The following MRPL39 variants were observed in gnomAD, a reference collection of about 807,000 sequenced individuals.
MRPL39 encodes the protein mitochondrial ribosomal protein L39.
MRPL39 carries 35 observed loss-of-function variants against 44.5 expected under a neutral mutation model. The observed-to-expected ratio is 0.79, with a 90% CI of 0.60 to 1.04. The LOEUF is 1.04. Ranked by LOEUF, MRPL39 falls within the 50% of genes least tolerant of loss-of-function variation. The probability of loss-of-function intolerance (pLI) is 0.00; values close to 1 mark genes in which losing one functional copy is unlikely to be tolerated. For missense variants in MRPL39, 433 were observed against 413.5 expected (o/e 1.05, Z -0.41); for synonymous variants, 139 against 136.1 (o/e 1.02, Z -0.15).
chr21:25,606,474 A>C lies in MRPL39; in HGVS notation c.255T>G (p.Ile85Met). ...PGTVFVMNKN[I>M]STPYSCAMHL... ...GCATGGCACAACTGTAGGGAGTTGA[A>C]ATGTTTTTATTCATCACGAAGACAG... is the stretch of plus-strand genomic sequence containing the variant. The change falls in exon 2 of 10, where the codon ATT (isoleucine) becomes ATG (methionine). Residue 85 changes from isoleucine to methionine, a missense_variant. Coordinates refer to ENST00000352957, the MANE Select transcript of MRPL39 (RefSeq NM_017446.4). 2 of 1,610,986 alleles carry C rather than the reference A, an allele frequency of 1.2e-6. No homozygotes were observed. The highest frequency in any genetic ancestry group is 1.7e-6 in the Non-Finnish European group (2 of 1,178,538).
chr21:25,604,061 A>T (rs1251295849), intron 2 of MRPL39, 126 bp from the exon 3 acceptor site: 5 of 899,446 alleles, frequency 5.6e-6, no homozygotes, highest in Non-Finnish European at 8.3e-6. Flanking sequence ...TTTAGAGAAA[A>T]AAAGTATATT....
chr21:25,597,913 TA>T (rs2031408955), intron 5 of MRPL39, among the ~76,000 whole-genome samples: 1 of 152,146 alleles, frequency 6.6e-6, no homozygotes, highest in South Asian at 2.1e-4. Context: ...TGTCCAATAT[TA>T]AAAGTTTCTG....
chr21:25,598,427 C>G (rs191270089), intron 5 of MRPL39, among the ~76,000 whole-genome samples: 2 of 138,504 alleles, frequency 1.4e-5, no homozygotes, highest in Admixed American at 1.5e-4. Context: ...ATAGTGAGAC[C>G]CCCATCTCTT....
intron 6 of MRPL39, among the ~76,000 whole-genome samples, chr21:25,596,109 T>C (rs185605750): frequency 6.6e-6 from 1 of 152,274 alleles, no homozygotes; most frequent in African/African-American, 2.4e-5. Context: ...AATTTTTTTT[T>C]TTTTTTTGAG....
intron 3 of MRPL39, among the ~76,000 whole-genome samples, chr21:25,601,990 T>C (rs986145381): frequency 1.3e-5 from 2 of 152,182 alleles, no homozygotes; most frequent in Non-Finnish European, 2.9e-5. Context: ...TTTTGATTCA[T>C]GGACATGCCT....
intron 5 of MRPL39, 36 bp downstream of exon 5, chr21:25,599,763 C>A: frequency 6.6e-7 from 1 of 1,522,202 alleles, no homozygotes; most frequent in South Asian, 1.1e-5. Context: ...GAAAGGCAGA[C>A]ACTCTAAAAT....
intron 6 of MRPL39, 81 bp from the exon 7 acceptor site, chr21:25,594,039 C>A: frequency 8.7e-7 from 1 of 1,154,506 alleles, no homozygotes; most frequent in East Asian, 2.4e-5. Context: ...CTTTCTCTTC[C>A]TCTTCAGCCA....
rs140558474 is a variant in MRPL39 at position 25,587,420 on chromosome 21, C to T, written c.969+1415G>A. On this transcript the variant is annotated intron_variant, in intron 9 of 9. Coordinates refer to ENST00000352957, the MANE Select transcript of MRPL39 (RefSeq NM_017446.4). ...AAATTATATAACCCTTACTCAAGAA[C>T]ATTATGGTGAAGTCCCTAAACAATA... is the stretch of plus-strand genomic sequence containing the variant. Among the ~76,000 whole-genome samples the T allele has an allele frequency of 1.2e-3, 184 of 152,216 alleles. 3 individuals carry two copies. The East Asian group carries it at 0.026, about 22-fold the overall frequency.
chr21:25,587,946 A>G (rs1176312895), intron 9 of MRPL39, among the ~76,000 whole-genome samples: 3 of 152,252 alleles, frequency 2.0e-5, no homozygotes, highest in African/African-American at 7.2e-5. Context: ...CAGGACAGCT[A>G]TCAGATAACC....
chr21:25,588,081 G>A (rs567910382), intron 9 of MRPL39, among the ~76,000 whole-genome samples: 2 of 152,298 alleles, frequency 1.3e-5, no homozygotes, highest in South Asian at 2.1e-4. Context: ...GGAGGCTGAG[G>A]GGGGTGGATC....
chr21:25,607,699 A>G (rs1424944144), upstream of MRPL39, among the ~76,000 whole-genome samples: 2 of 151,866 alleles, frequency 1.3e-5, no homozygotes. Context: ...GCGGTCACCT[A>G]CCCAGAGGTG....
chr21:25,586,340 G>A (rs1263725575), intron 9 of MRPL39, among the ~76,000 whole-genome samples: 1 of 152,042 alleles, frequency 6.6e-6, no homozygotes, highest in Non-Finnish European at 1.5e-5. Context: ...TCCATCAACA[G>A]TCCTACTAAT....
chr21:25,602,526 A>C (rs1255941834), intron 3 of MRPL39, among the ~76,000 whole-genome samples: 2 of 152,212 alleles, frequency 1.3e-5, no homozygotes, highest in Non-Finnish European at 2.9e-5. Context: ...TTGTTCAACT[A>C]TTTCAACAAA....
intron 8 of MRPL39, 43 bp downstream of exon 8, chr21:25,592,769 C>G: frequency 6.8e-7 from 1 of 1,462,784 alleles, no homozygotes; most frequent in Non-Finnish European, 9.3e-7. Context: ...GGAATTATAT[C>G]TATACCCAAA....
chr21:25,607,489 AC>A (rs746251955), upstream of MRPL39: 8 of 1,609,518 alleles, frequency 5.0e-6, no homozygotes, highest in South Asian at 8.8e-5. Flanking sequence ...AGCGGTGAGA[AC>A]CGTCGCGCGC....
chr21:25,589,880 T>G (rs1204038185), intron 8 of MRPL39, among the ~76,000 whole-genome samples: 4 of 152,106 alleles, frequency 2.6e-5, no homozygotes, highest in Non-Finnish European at 5.9e-5. Context: ...GGCTGGAATA[T>G]AGTGAGTGAG....
chr21:25,606,750 T>C (rs2031688402), intron 1 of MRPL39, 95 bp from the exon 2 acceptor site: 1 of 923,592 alleles, frequency 1.1e-6, no homozygotes, highest in East Asian at 2.5e-5. Flanking sequence ...ATTTGTAATA[T>C]TAACAAACAC....
chr21:25,604,624 A>G (rs892228719), intron 2 of MRPL39, among the ~76,000 whole-genome samples: 18 of 152,214 alleles, frequency 1.2e-4, no homozygotes, highest in African/African-American at 4.3e-4. Flanking sequence ...GGATAAGCCA[A>G]TCAGCTCTGG....
chr21:25,587,214 T>C (rs2031025305), intron 9 of MRPL39, among the ~76,000 whole-genome samples: 1 of 152,246 alleles, frequency 6.6e-6, no homozygotes, highest in Non-Finnish European at 1.5e-5. Context: ...GCTTCTTTAA[T>C]TTTCCAAACT....
Sources: gnomAD v4.1 joint callset for allele counts (sites outside exome capture counted in the v4.1 genomes callset) on GRCh38, gnomAD v4.1.1 for gene constraint, MANE v1.5 for transcripts, NCBI Gene and HGNC (gene_info 2026-07-23, HGNC 2026-07-21) for gene names.